Variants in POLH observed in about 807,000 individuals in gnomAD.
The protein encoded by POLH is DNA polymerase eta transcript.
Under a neutral mutation model 73.6 loss-of-function variants are expected in POLH, and 53 were observed. The observed-to-expected ratio is 0.72, with a 90% CI of 0.58 to 0.91. The LOEUF (loss-of-function observed/expected upper bound fraction) is 0.91. POLH is among the 40% of genes least tolerant of loss of function. POLH has a pLI of 0.00. For synonymous variants in POLH, 292 were observed against 308.5 expected (o/e 0.95, Z 0.56); for missense variants, 768 against 865.4 (o/e 0.89, Z 1.41).
chr6:43,594,961 G>A (rs1345547690), intron 4 of POLH, among the ~76,000 whole-genome samples: 1 of 119,056 alleles, frequency 8.4e-6, no homozygotes, highest in Non-Finnish European at 1.8e-5. Flanking sequence ...GAGGTGGGGG[G>A]CATATGGGGG....
In POLH at chr6:43,618,404, G is replaced by A. The variant is rs145612937; in HGVS notation, c.*3847G>A. On this transcript the variant is annotated 3_prime_UTR_variant, in exon 11 of 11. Transcript: ENST00000372236. Reference sequence around the variant, plus strand: ...CTAGACCTCGTGATCCATCCGCCTCGGCCTCCCAAAGTGCTGGGATTATAG... The same window carrying A: ...CTAGACCTCGTGATCCATCCGCCTCAGCCTCCCAAAGTGCTGGGATTATAG... Among the ~76,000 whole-genome samples, 10,587 of 151,946 alleles carry A rather than the reference G, an allele frequency of 0.07. 1,164 individuals carry two copies. Among genetic ancestry groups the A allele is most frequent in the East Asian group, 0.53 (2,740 of 5,138 alleles).
At position 43,615,664 on chromosome 6, in the gene POLH, A is replaced by T. The variant is rs1344664700; in HGVS notation, c.*1107A>T. 2 of 151,012 alleles carry T rather than the reference A, an allele frequency of 1.3e-5. No homozygotes were observed. The highest frequency in any genetic ancestry group is 3.0e-5 in the Non-Finnish European group (2 of 67,760). The allele number at this position is 151,012 out of a possible 1,614,324, so 9.4% of individuals were successfully genotyped here. ...TTGCATAGTTAAAAAAAAAAAAGGG[A>T]TTATTTTTATTTTTATTTTTTATTT... is the stretch of plus-strand genomic sequence containing the variant. On this transcript the variant is annotated 3_prime_UTR_variant, in exon 11 of 11. Transcript: ENST00000372236.
chr6:43,606,708 C>T (rs1357480110), intron 9 of POLH, among the ~76,000 whole-genome samples: 1 of 152,176 alleles, frequency 6.6e-6, no homozygotes, highest in Non-Finnish European at 1.5e-5. Context: ...GGATTACAGG[C>T]ATGAGCCACC....
Position 43,605,280 on chromosome 6 carries a change from C to T in POLH, c.1035C>T (p.Ala345=). The T allele has an allele frequency of 6.3e-7, 1 of 1,595,994 alleles. No homozygotes were observed. Residue 345 remains alanine, a synonymous_variant, in exon 9 of 11, where the codon GCC becomes GCT. Coordinates refer to ENST00000372236, the MANE Select transcript of POLH (RefSeq NM_006502.3). ...EQVQWWLLQL[A]QELEERLTKD... is the part of the protein sequence containing the mutation. ...TACAATGGTGGCTGTTGCAATTAGC[C>T]CAGGAACTAGAGGAGAGACTGACTA...
At chr6:43,608,022 G>A (rs376975902) in intron 9 of POLH, among the ~76,000 whole-genome samples, 6 of 152,038 alleles carry the variant, frequency 3.9e-5, no homozygotes, top group Non-Finnish European at 7.4e-5. Context: ...TCCCAGCTAC[G>A]CAGGAGGCTG....
At chr6:43,610,899 A>G (rs866064682) in intron 10 of POLH, among the ~76,000 whole-genome samples, 176 bp downstream of exon 10, 4 of 152,034 alleles carry the variant, frequency 2.6e-5, no homozygotes, top group East Asian at 1.9e-4. Context: ...TAGTCCTTCA[A>G]TGAGGTAAAG....
At chr6:43,582,492 G>T (rs778903665) in intron 2 of POLH, 36 bp downstream of exon 2, 1 of 1,602,970 alleles carries the variant, frequency 6.2e-7, no homozygotes, top group Non-Finnish European at 8.5e-7. Context: ...CTATTCAATG[G>T]TAACACAGTG....
At position 43,618,949 on chromosome 6, in the gene POLH, T is replaced by C. The variant is rs1400000716; in HGVS notation, c.*4392T>C. Among the ~76,000 whole-genome samples the C allele has an allele frequency of 6.9e-6, 1 of 144,844 alleles. No individual in the cohort carries two copies. The highest frequency in any genetic ancestry group is 1.5e-5 in the Non-Finnish European group (1 of 66,030). On this transcript the variant is annotated 3_prime_UTR_variant, in exon 11 of 11. Transcript: ENST00000372236. ...CCAGCCCCAACTTCTACTTTTTATTTTATTTATAAATTGGGGGGGGGGTTC... is the reference window on the plus strand; with the variant it reads ...CCAGCCCCAACTTCTACTTTTTATTCTATTTATAAATTGGGGGGGGGGTTC...
chr6:43,591,063 G>A (rs960353417), intron 4 of POLH: 1 of 152,120 alleles, frequency 6.6e-6, no homozygotes, highest in Non-Finnish European at 1.5e-5. Flanking sequence ...GTGACTTAAG[G>A]AATTATTTTA....
chr6:43,580,983 C>CG (rs1582267140), intron 1 of POLH, among the ~76,000 whole-genome samples: 5 of 132,538 alleles, frequency 3.8e-5, no homozygotes, highest in East Asian at 4.6e-4. Flanking sequence ...GCTGGCCGGG[C>CG]GGGGGGCTGA....
rs1265601784 is a variant in POLH, at chr6:43,587,506, A to G, written c.490+17A>G. 2 of 1,549,308 alleles carry G rather than the reference A, an allele frequency of 1.3e-6. No homozygotes were observed. Among genetic ancestry groups the G allele is most frequent in the Non-Finnish European group, 1.8e-6 (2 of 1,120,900 alleles). On this transcript the variant is annotated intron_variant, in intron 4 of 10. Transcript: ENST00000372236. ...TTCAGAAAGGTACTTCCATAGCATC[A>G]TACTGCTTCTGCTTCCTGCCTTTGG...
chr6:43,596,468 G>A (rs1347837213), intron 4 of POLH, among the ~76,000 whole-genome samples: 3 of 152,078 alleles, frequency 2.0e-5, no homozygotes, highest in African/African-American at 7.2e-5. Flanking sequence ...GGGTGACAGA[G>A]TGAGACTTCG....
chr6:43,580,695 G>A (rs1763993515), intron 1 of POLH, among the ~76,000 whole-genome samples: 1 of 138,646 alleles, frequency 7.2e-6, no homozygotes, highest in South Asian at 2.2e-4. Flanking sequence ...TCCCGGACTG[G>A]GCGGCTGGCC....
chr6:43,592,258 A>G (rs1765535622), intron 4 of POLH, among the ~76,000 whole-genome samples: 2 of 152,216 alleles, frequency 1.3e-5, no homozygotes, highest in Admixed American at 6.5e-5. Context: ...ATCATTTTTC[A>G]TGGATACAAT....
chr6:43,579,792 A>T (rs1582263839), intron 1 of POLH, among the ~76,000 whole-genome samples: 2 of 152,192 alleles, frequency 1.3e-5, no homozygotes, highest in Middle Eastern at 6.8e-3. Flanking sequence ...GAGGATACCC[A>T]CTTGGTGTCT....
intron 2 of POLH, 148 bp downstream of exon 2, chr6:43,582,604 C>G: frequency 1.2e-6 from 1 of 826,536 alleles, no homozygotes; most frequent in Non-Finnish European, 2.1e-6. Flanking sequence ...CAGCTCACAG[C>G]AGCTTTGACC....
intron 1 of POLH, among the ~76,000 whole-genome samples, chr6:43,580,712 G>C (rs547377651): frequency 6.2e-4 from 85 of 136,680 alleles, no homozygotes; most frequent in Non-Finnish European, 1.2e-3. Flanking sequence ...GGCCGGGCGG[G>C]GGGCCGACAC....
At position 43,598,201 on chromosome 6, in the gene POLH, C is replaced by CAAAAAAAAAAAAAAA. The variant is rs560020212; in HGVS notation, c.660+339_660+353dup. Among the ~76,000 whole-genome samples, 388 of 73,244 alleles carry CAAAAAAAAAAAAAAA rather than the reference C, an allele frequency of 5.3e-3. 11 individuals are homozygous for CAAAAAAAAAAAAAAA. Among genetic ancestry groups the CAAAAAAAAAAAAAAA allele is most frequent in the African/African-American group, 0.018 (355 of 19,726 alleles). The allele number at this position is 73,244 out of a possible 152,430, so 48.1% of individuals were successfully genotyped here. On this transcript the variant is annotated intron_variant, in intron 5 of 10. Coordinates refer to ENST00000372236, the MANE Select transcript of POLH (RefSeq NM_006502.3). Reference sequence around the variant, plus strand: ...GCTTGGGCGACAGTGAGACTGTCACCAAAAAAAAAAAAAAAAAGTTGTTAC... The same window carrying CAAAAAAAAAAAAAAA: ...GCTTGGGCGACAGTGAGACTGTCACCAAAAAAAAAAAAAAAAAAAAAAAAAAAAAAAAGTTGTTAC...
At chr6:43,599,075 G>A (rs1203264170) in intron 5 of POLH, among the ~76,000 whole-genome samples, 2 of 136,298 alleles carry the variant, frequency 1.5e-5, no homozygotes, top group Admixed American at 8.3e-5. Flanking sequence ...TGCAGCCTCC[G>A]CCTCCCGGGT....
Sources: allele counts gnomAD v4.1 joint callset (sites outside exome capture counted in the v4.1 genomes callset), GRCh38; gene constraint gnomAD v4.1.1; transcripts MANE v1.5; gene names NCBI Gene and HGNC (gene_info 2026-07-23, HGNC 2026-07-21).